The following CWC27 variants were observed in gnomAD, a reference collection of about 807,000 sequenced individuals.
The protein encoded by CWC27 is CWC27 spliceosome associated cyclophilin.
A neutral mutation model predicts 63.6 loss-of-function variants in CWC27; 47 were observed. The observed-to-expected ratio is 0.74, with a 90% CI of 0.58 to 0.94. The LOEUF (loss-of-function observed/expected upper bound fraction) is 0.94. Ranked by LOEUF, CWC27 falls within the 40% of genes least tolerant of loss-of-function variation. CWC27 has a pLI of 0.00. For missense variants in CWC27, 495 were observed against 554.3 expected (o/e 0.89, Z 1.07); for synonymous variants, 175 against 179.8 (o/e 0.97, Z 0.22).
chr5:64,786,565 T>G lies in CWC27; in HGVS notation c.537T>G (p.Ile179Met), dbSNP rs372060404. ...TTGATGACATCATTCCAAGGGAAAT[T>G]AAAAGGCTGAAAAAAGAGAAACCAG... ...NPFDDIIPRE[I>M]KRLKKEKPEE... Residue 179 changes from isoleucine to methionine, a missense_variant, in exon 6 of 14, where the codon ATT (isoleucine) becomes ATG (methionine). Around this residue, in one of 3 missense-constraint regions of CWC27, gnomAD observed 463 missense variants for 498.1 expected, o/e 0.93. Transcript: ENST00000381070. The G allele has an allele frequency of 3.1e-6, 5 of 1,593,264 alleles. No individual in the cohort carries two copies. Among genetic ancestry groups the G allele is most frequent in the Admixed American group, 1.8e-5 (1 of 55,856 alleles).
chr5:64,860,508 G>C lies in CWC27; in HGVS notation c.939-24935G>C, dbSNP rs551296017. 4.6e-5 allele frequency among the ~76,000 whole-genome samples: 7 copies of C among 152,210 alleles called. No homozygotes were observed. The South Asian group carries it at 1.5e-3, about 32-fold the overall frequency. ...AGCTGAAATGCCAGGTCAGACTCCA[G>C]ATTTTCTGGTTAGATTTTCAGTTTT... On this transcript the variant is annotated intron_variant, in intron 10 of 13. Coordinates refer to ENST00000381070, the MANE Select transcript of CWC27 (RefSeq NM_005869.4).
intron 10 of CWC27, among the ~76,000 whole-genome samples, chr5:64,829,991 T>TC (rs1745472795): frequency 6.6e-6 from 1 of 150,490 alleles, no homozygotes; most frequent in South Asian, 2.1e-4. Flanking sequence ...TTTTTTTTTT[T>TC]CGCTATGCCA....
intron 11 of CWC27, among the ~76,000 whole-genome samples, chr5:64,925,621 G>A (rs888139535): frequency 3.3e-5 from 5 of 152,180 alleles, no homozygotes; most frequent in East Asian, 1.9e-4. Flanking sequence ...GAGGCAGCAC[G>A]ACTAGAGTCA....
intron 11 of CWC27, among the ~76,000 whole-genome samples, chr5:64,935,243 G>A (rs969923106): frequency 6.6e-5 from 10 of 152,110 alleles, no homozygotes; most frequent in South Asian, 2.1e-4. Flanking sequence ...TAGGTTTTAC[G>A]TTTAAGTCTT....
intron 13 of CWC27, among the ~76,000 whole-genome samples, chr5:65,010,270 A>C (rs1749924059): frequency 6.6e-6 from 1 of 152,162 alleles, no homozygotes; most frequent in South Asian, 2.1e-4. Context: ...ATGTGGACAA[A>C]AGTATGCTGC....
At chr5:64,903,346 T>TA (rs1359774640) in intron 11 of CWC27, among the ~76,000 whole-genome samples, 2 of 151,908 alleles carry the variant, frequency 1.3e-5, no homozygotes. Flanking sequence ...TATGCAGCCA[T>TA]AAAAAAATAA....
intron 13 of CWC27, among the ~76,000 whole-genome samples, chr5:64,978,526 T>C (rs1488078075): frequency 6.6e-6 from 1 of 152,062 alleles, no homozygotes; most frequent in African/African-American, 2.4e-5. Flanking sequence ...GATTGACCCA[T>C]AGTTAAATGC....
intron 10 of CWC27, among the ~76,000 whole-genome samples, chr5:64,840,386 AAAAAAAAAATATAT>A (rs1301782281): frequency 1.8e-5 from 1 of 56,856 alleles, no homozygotes; most frequent in Admixed American, 2.0e-4. Context: ...AAAAAAAAAA[AAAAAAAAAATATAT>A]ATATATATAT....
chr5:64,942,373 G>A (rs568420579), intron 11 of CWC27, among the ~76,000 whole-genome samples: 24 of 148,380 alleles, frequency 1.6e-4, no homozygotes, highest in African/African-American at 4.3e-4. Flanking sequence ...AAGGCTACAG[G>A]GAATTATGAT....
intron 10 of CWC27, among the ~76,000 whole-genome samples, chr5:64,818,041 T>C (rs189796039): frequency 1.3e-3 from 198 of 152,224 alleles, no homozygotes; most frequent in African/African-American, 4.5e-3. Context: ...CATTTTAACA[T>C]TTATGGTGTT....
chr5:64,804,238 G>A lies in CWC27; in HGVS notation c.790G>A (p.Asp264Asn), dbSNP rs773455166. The A allele has an allele frequency of 6.2e-7, 1 of 1,604,406 alleles. No individual in the cohort carries two copies. The highest frequency in any genetic ancestry group is 8.5e-7 in the Non-Finnish European group (1 of 1,175,240). Reference sequence around the variant, plus strand: ...TTTTCCATTTCTACAGGATGGAGAAGATGAAAGTGCAGAGCATGATGAATA... The same window carrying A: ...TTTTCCATTTCTACAGGATGGAGAAAATGAAAGTGCAGAGCATGATGAATA... ...DAPDLVDDGE[D>N]ESAEHDEYID... Residue 264 changes from aspartate (D) to asparagine (N), a missense_variant, in exon 10 of 14, where the codon GAT becomes AAT. By Grantham distance (23) the Asp-to-Asn change is conservative. Around this residue, in one of 3 missense-constraint regions of CWC27, gnomAD observed 463 missense variants for 498.1 expected, o/e 0.93. Transcript: ENST00000381070.
At chr5:64,974,075 A>G (rs74840617) in intron 12 of CWC27, among the ~76,000 whole-genome samples, 1 of 129,946 alleles carries the variant, frequency 7.7e-6, no homozygotes, top group Non-Finnish European at 1.6e-5. Context: ...ATCTCTACAG[A>G]AAAAAAAAAA....
chr5:64,980,395 T>C (rs1239862738), intron 13 of CWC27, among the ~76,000 whole-genome samples: 6 of 152,182 alleles, frequency 3.9e-5, no homozygotes, highest in African/African-American at 1.4e-4. Flanking sequence ...TGGGTTTGGT[T>C]AGATGAAGCT....
intron 13 of CWC27, among the ~76,000 whole-genome samples, chr5:65,007,031 G>T (rs780450633): frequency 6.6e-6 from 1 of 151,454 alleles, no homozygotes; most frequent in Non-Finnish European, 1.5e-5. Context: ...AGAAAAGAAA[G>T]AAAGGAGTAA....
At chr5:64,930,150 T>G (rs1230033708) in intron 11 of CWC27, among the ~76,000 whole-genome samples, 1 of 152,166 alleles carries the variant, frequency 6.6e-6, no homozygotes, top group Non-Finnish European at 1.5e-5. Flanking sequence ...ATATGGAATG[T>G]CCAAAATAGG....
intron 11 of CWC27, among the ~76,000 whole-genome samples, chr5:64,939,588 C>G (rs1350689515): frequency 6.6e-6 from 1 of 152,234 alleles, no homozygotes; most frequent in Non-Finnish European, 1.5e-5. Flanking sequence ...TCAGGAGGCA[C>G]AGGTGTTAGG....
chr5:64,780,264 A>G (rs140039818), intron 2 of CWC27, among the ~76,000 whole-genome samples: 137 of 152,192 alleles, frequency 9.0e-4, no homozygotes, highest in African/African-American at 3.2e-3. Flanking sequence ...GTCATATTCC[A>G]TCATATGTAT....
chr5:64,970,390 T>C (rs945827566), intron 11 of CWC27, among the ~76,000 whole-genome samples: 1 of 151,898 alleles, frequency 6.6e-6, no homozygotes, highest in Non-Finnish European at 1.5e-5. Context: ...TTTTTTGTAT[T>C]TTTAGTAGAG....
At chr5:64,874,376 G>A (rs1052180676) in intron 10 of CWC27, among the ~76,000 whole-genome samples, 2 of 151,532 alleles carry the variant, frequency 1.3e-5, no homozygotes, top group African/African-American at 4.9e-5. Context: ...TGGACAGGCT[G>A]GTCTCGAACT....
Sources: allele counts gnomAD v4.1 joint callset (sites outside exome capture counted in the v4.1 genomes callset), GRCh38; gene constraint gnomAD v4.1.1; regional missense constraint gnomAD v4.1.1; transcripts MANE v1.5; gene names NCBI Gene and HGNC (gene_info 2026-07-23, HGNC 2026-07-21).